Variants in ACSF2 observed in about 807,000 individuals in gnomAD.
ACSF2 encodes the protein acyl-CoA synthetase family member 2.
ACSF2 carries 52 observed loss-of-function variants against 79.3 expected under a neutral mutation model. That is an observed-to-expected ratio of 0.66 (90% confidence interval 0.53 to 0.83). The LOEUF is 0.83. Ranked by LOEUF, ACSF2 falls within the 40% of genes least tolerant of loss-of-function variation. The probability of loss-of-function intolerance (pLI) is 0.00; values close to 1 mark genes in which losing one functional copy is unlikely to be tolerated. For missense variants in ACSF2, 661 were observed against 803.3 expected, an observed-to-expected ratio of 0.82 and a Z score of 2.14; for synonymous variants, 283 against 312.6, an observed-to-expected ratio of 0.91 and a Z score of 1.00.
intron 1 of ACSF2, among the ~76,000 whole-genome samples, chr17:50,452,654 C>T (rs1026437189): frequency 6.6e-6 from 1 of 151,994 alleles, no homozygotes; most frequent in African/African-American, 2.4e-5. Flanking sequence ...GCACGTTCTA[C>T]ACGTGTATCC....
intron 1 of ACSF2, among the ~76,000 whole-genome samples, chr17:50,432,753 C>T (rs1313243938): frequency 6.6e-6 from 1 of 152,164 alleles, no homozygotes; most frequent in Non-Finnish European, 1.5e-5. Flanking sequence ...GAAAGCAAAT[C>T]CCAGTCCTAC....
chr17:50,434,328 T>G (rs770831211), intron 1 of ACSF2, among the ~76,000 whole-genome samples: 1 of 151,580 alleles, frequency 6.6e-6, no homozygotes, highest in African/African-American at 2.4e-5. Context: ...CAAATAATAA[T>G]AATAATAATA....
chr17:50,457,871 G>A (rs1486486407), intron 1 of ACSF2, among the ~76,000 whole-genome samples: 1 of 152,098 alleles, frequency 6.6e-6, no homozygotes, highest in Non-Finnish European at 1.5e-5. Context: ...CAAGAGAGTG[G>A]TTGTCAAAGT....
chr17:50,452,731 C>G (rs1430035184), intron 1 of ACSF2, among the ~76,000 whole-genome samples: 2 of 152,022 alleles, frequency 1.3e-5, no homozygotes, highest in Non-Finnish European at 2.9e-5. Context: ...CCTTTATGCC[C>G]CAGGCATTTG....
intron 10 of ACSF2, 144 bp downstream of exon 10, chr17:50,464,438 G>T: frequency 1.2e-6 from 1 of 851,910 alleles, no homozygotes; most frequent in Non-Finnish European, 2.0e-6. Context: ...TGTGAGAAAA[G>T]ATAGTCTGAC....
At chr17:50,457,772 G>C (rs1490337521) in intron 1 of ACSF2, among the ~76,000 whole-genome samples, 1 of 152,152 alleles carries the variant, frequency 6.6e-6, no homozygotes, top group African/African-American at 2.4e-5. Flanking sequence ...TGTATCCCTA[G>C]TACCTGGCAC....
At chr17:50,456,723 C>T (rs1383901984) in intron 1 of ACSF2, among the ~76,000 whole-genome samples, 1 of 149,742 alleles carries the variant, frequency 6.7e-6, no homozygotes, top group Non-Finnish European at 1.5e-5. Context: ...GAGAGCGAAA[C>T]TCTGTCTTAA....
chr17:50,449,988 G>C (rs2031564627), intron 1 of ACSF2, among the ~76,000 whole-genome samples: 1 of 152,006 alleles, frequency 6.6e-6, no homozygotes, highest in South Asian at 2.1e-4. Context: ...CTTAATAAAC[G>C]AGAGGGTCCG....
intron 10 of ACSF2, chr17:50,465,968 A>G: frequency 7.3e-7 from 1 of 1,364,840 alleles, no homozygotes; most frequent in Admixed American, 1.8e-5. Flanking sequence ...CCTGAACCTG[A>G]GCCATAGCAC....
In ACSF2 at chr17:50,462,196, G is replaced by A. The variant is rs1362625567; in HGVS notation, c.520G>A (p.Ala174Thr). 1.2e-6 allele frequency: 2 copies of A among 1,613,898 alleles called. No homozygotes were observed. The highest frequency in any genetic ancestry group is 1.7e-6 in the Non-Finnish European group (2 of 1,179,960). The change falls in exon 5 of 16, where the codon GCC (alanine) becomes ACC (threonine). Residue 174 changes from alanine to threonine, a missense_variant. By Grantham distance (58) the Ala-to-Thr change is moderately conservative. Coordinates refer to ENST00000300441, the MANE Select transcript of ACSF2 (RefSeq NM_025149.6). ...EYVLKKVGCKALVFPKQFKTQ... is the reference protein window; with the variant it reads ...EYVLKKVGCKTLVFPKQFKTQ... Reference sequence around the variant, plus strand: ...TCCCCTTCCACAGGTGGGCTGCAAGGCCCTTGTGTTCCCCAAGCAATTCAA... The same window carrying A: ...TCCCCTTCCACAGGTGGGCTGCAAGACCCTTGTGTTCCCCAAGCAATTCAA...
chr17:50,455,787 G>A (rs558750866), intron 1 of ACSF2, among the ~76,000 whole-genome samples: 20 of 152,280 alleles, frequency 1.3e-4, no homozygotes, highest in African/African-American at 4.8e-4. Flanking sequence ...GAGACCTCGG[G>A]TCCTCGAGTC....
At position 50,463,520 on chromosome 17, in the gene ACSF2, C is replaced by A. The variant is rs1179027028; in HGVS notation, c.1014C>A (p.Gly338=). ...TCCTGGCCTCTCCCATCTTCAATGGCAAGAAGGCACTGGAGGCCATCAGCA... is the reference window on the plus strand; with the variant it reads ...TCCTGGCCTCTCCCATCTTCAATGGAAAGAAGGCACTGGAGGCCATCAGCA... ...TLILASPIFN[G]KKALEAISRE... The change falls in exon 8 of 16, where the codon GGC becomes GGA. Residue 338 remains glycine (G), a synonymous_variant. Transcript: ENST00000300441. This position sits in a 1 kb window ranked among gnomAD's most constrained non-coding sequence, Gnocchi z 4.6. The A allele has an allele frequency of 6.2e-7, 1 of 1,614,160 alleles. No individual in the cohort carries two copies. The highest frequency in any genetic ancestry group is 1.7e-5 in the Admixed American group (1 of 60,022).
intron 10 of ACSF2, chr17:50,468,823 G>A (rs940292520): frequency 1.3e-6 from 2 of 1,509,354 alleles, no homozygotes; most frequent in Non-Finnish European, 1.8e-6. Context: ...TGGCTGGGAC[G>A]CCTGGGGCCG....
Position 50,471,081 on chromosome 17 carries a change from G to A in ACSF2, c.1269G>A (p.Glu423=), listed in dbSNP as rs200756685. 25 of 1,614,026 alleles carry A rather than the reference G, an allele frequency of 1.5e-5. No individual in the cohort carries two copies. The highest frequency in any genetic ancestry group is 1.9e-5 in the Non-Finnish European group (22 of 1,180,008). Reference sequence around the variant, plus strand: ...CCGTGACATTCGCGCACTTCCCTGAGGACACTGTGGAGCAGAAGGCAGAAA... The same window carrying A: ...CCGTGACATTCGCGCACTTCCCTGAAGACACTGTGGAGCAGAAGGCAGAAA... ...NSPVTFAHFP[E]DTVEQKAESV... The change falls in exon 11 of 16, where the codon GAG becomes GAA. Residue 423 remains glutamate, a synonymous_variant. Coordinates refer to ENST00000300441, the MANE Select transcript of ACSF2 (RefSeq NM_025149.6). This position sits in a 1 kb window ranked among gnomAD's most constrained non-coding sequence, Gnocchi z 4.1.
chr17:50,460,860 A>C lies in ACSF2; in HGVS notation c.312A>C (p.Gln104His). 6.2e-7 allele frequency: 1 copy of C among 1,609,246 alleles called. No homozygotes were observed. The highest frequency in any genetic ancestry group is 8.5e-7 in the Non-Finnish European group (1 of 1,177,346). ...AAGACGTCAGGTTGACCTTTGCCCA[A>C]CTCAAGGAGGAGGTGGGTCCTGACC... ...LHEDVRLTFA[Q>H]LKEEVDKAAS... is the part of the protein sequence containing the mutation. The change falls in exon 2 of 16, where the codon CAA becomes CAC. Residue 104 changes from glutamine (Q) to histidine (H), a missense_variant. By Grantham distance (24) the Gln-to-His change is conservative (BLOSUM62 0). Transcript: ENST00000300441.
rs758792710 is a variant in ACSF2 at position 50,474,019 on chromosome 17, TC to T, written c.1728+16del. On this transcript the variant is annotated intron_variant, in intron 14 of 15. Transcript: ENST00000300441. This position sits in a 1 kb window ranked among gnomAD's most constrained non-coding sequence, Gnocchi z 4.2. The stretch of plus-strand genomic sequence containing the variant: ...GCAAAGGGAAGGTGGGAGCCTCCGC[TC>T]AACCTAGCTGATGCTGCTCTGTTCT... 1 of 1,523,890 alleles carries T rather than the reference TC, an allele frequency of 6.6e-7. No homozygotes were observed. The highest frequency in any genetic ancestry group is 8.8e-7 in the Non-Finnish European group (1 of 1,135,094). The allele number at this position is 1,523,890 out of a possible 1,614,324, so 94.4% of individuals were successfully genotyped here. A position where few individuals can be genotyped will look rare whatever the true frequency, so the allele number is the denominator to read the frequency against.
intron 1 of ACSF2, among the ~76,000 whole-genome samples, chr17:50,427,874 T>C (rs1483594146): frequency 1.3e-5 from 2 of 152,228 alleles, no homozygotes; most frequent in Non-Finnish European, 2.9e-5. Context: ...GAAATTCTTA[T>C]TGCTGTGTCA....
rs1488035499 is a variant in ACSF2 at position 50,462,540 on chromosome 17, G to T, written c.747G>T (p.Gln249His). 34 of 1,613,800 alleles carry T rather than the reference G, an allele frequency of 2.1e-5. No homozygotes were observed. The highest frequency in any genetic ancestry group is 2.9e-5 in the Non-Finnish European group (34 of 1,180,006). ...ATCTGGACCAGCTCCAATACAACCA[G>T]CAGTTCCTGTCCTGCCATGACCCCA... ...RQHLDQLQYN[Q>H]QFLSCHDPIN... is the part of the protein sequence containing the mutation. Residue 249 changes from glutamine to histidine, a missense_variant, in exon 6 of 16, where the codon CAG (glutamine) becomes CAT (histidine). Transcript: ENST00000300441.
chr17:50,445,349 G>A (rs1431366954), intron 1 of ACSF2, among the ~76,000 whole-genome samples: 1 of 152,112 alleles, frequency 6.6e-6, no homozygotes, highest in African/African-American at 2.4e-5. Flanking sequence ...AATTTGCCTC[G>A]AAAACCTGTA....
Sources: allele counts gnomAD v4.1 joint callset (sites outside exome capture counted in the v4.1 genomes callset), GRCh38; gene constraint gnomAD v4.1.1; non-coding constraint Gnocchi (gnomAD v3.1); transcripts MANE v1.5; gene names NCBI Gene and HGNC (gene_info 2026-07-23, HGNC 2026-07-21).